ARHGAP18: variants seen among roughly 807,000 people sequenced by gnomAD.
The protein encoded by ARHGAP18 is rho GTPase-activating protein 18.
Under a neutral mutation model 86.2 loss-of-function variants are expected in ARHGAP18, and 67 were observed. The ratio of observed to expected loss-of-function variants is 0.78; its 90% CI spans 0.64 to 0.95. The LOEUF (loss-of-function observed/expected upper bound fraction) is 0.95, where lower values mean the gene tolerates loss of function less well. Among genes scored for constraint, ARHGAP18 ranks in the 40% least tolerant of loss-of-function variants. The pLI is 0.00. For synonymous variants in ARHGAP18, 283 were observed against 280.4 expected (o/e 1.01, Z -0.09); for missense variants, 691 against 780.4 (o/e 0.89, Z 1.37).
At chr6:129,682,310 T>G (rs1287554098) in intron 1 of ARHGAP18, among the ~76,000 whole-genome samples, 1 of 152,194 alleles carries the variant, frequency 6.6e-6, no homozygotes, top group Non-Finnish European at 1.5e-5. Flanking sequence ...CACGCCTTTC[T>G]CTTTGCCAAG....
chr6:129,676,961 T>G (rs1423417162), intron 1 of ARHGAP18, among the ~76,000 whole-genome samples: 2 of 119,126 alleles, frequency 1.7e-5, no homozygotes, highest in Non-Finnish European at 3.3e-5. Context: ...GGAAGGAAAA[T>G]AGAGGATTCC....
chr6:129,607,886 C>G lies in ARHGAP18; in HGVS notation c.1282+7G>C, dbSNP rs963296301. The G allele has an allele frequency of 4.4e-6, 7 of 1,590,460 alleles. No individual in the cohort carries two copies. The highest frequency in any genetic ancestry group is 1.9e-5 in the Admixed American group (1 of 53,390). On this transcript the variant is annotated splice_region_variant and intron_variant, in intron 9 of 14. Transcript: ENST00000368149. ...GAAGGACTGCTTCAAAGAGGGATAGCACTTACTCTGGACAGCCTGAAAGGC... is the reference window on the plus strand; with the variant it reads ...GAAGGACTGCTTCAAAGAGGGATAGGACTTACTCTGGACAGCCTGAAAGGC...
At chr6:129,659,050 CA>C (rs1293646248) in intron 1 of ARHGAP18, among the ~76,000 whole-genome samples, 1 of 152,104 alleles carries the variant, frequency 6.6e-6, no homozygotes, top group African/African-American at 2.4e-5. Flanking sequence ...CAATATACAC[CA>C]AATATCATCA....
intron 12 of ARHGAP18, among the ~76,000 whole-genome samples, chr6:129,589,866 G>C (rs1196509628): frequency 6.6e-6 from 1 of 152,140 alleles, no homozygotes; most frequent in Non-Finnish European, 1.5e-5. Context: ...CTCAAAAGTG[G>C]GGAAGCTGAC....
chr6:129,610,634 T>C (rs1436533468), intron 8 of ARHGAP18, among the ~76,000 whole-genome samples: 1 of 152,114 alleles, frequency 6.6e-6, no homozygotes, highest in Non-Finnish European at 1.5e-5. Context: ...CTTTTTCTTT[T>C]TTTTTTCTTT....
At chr6:129,584,773 T>C (rs1176928350) in intron 12 of ARHGAP18, among the ~76,000 whole-genome samples, 1 of 152,182 alleles carries the variant, frequency 6.6e-6, no homozygotes, top group Non-Finnish European at 1.5e-5. Context: ...TCTTAATTAA[T>C]TCCTAAAGGG....
chr6:129,710,106 C>G lies in ARHGAP18; in HGVS notation c.31G>C (p.Val11Leu), dbSNP rs1362685336. MSWLSSSQGV[V>L]LTAYHPSGKD... ...CCGCTGGGGTGGTAGGCTGTTAGTA[C>G]CACTCCCTGGGAACTGGAGAGCCAG... The change falls in exon 1 of 15, where the codon GTA (valine) becomes CTA (leucine). Residue 11 changes from valine (V) to leucine (L), a missense_variant. Val to Leu is a conservative substitution (Grantham distance 32). Coordinates refer to ENST00000368149, the MANE Select transcript of ARHGAP18 (RefSeq NM_033515.3). The G allele has an allele frequency of 3.1e-6, 5 of 1,613,926 alleles. No homozygotes were observed. In the Admixed American group the frequency reaches 6.7e-5, roughly 22 times the overall value.
At chr6:129,660,594 CACGG>C (rs1389813731) in intron 1 of ARHGAP18, among the ~76,000 whole-genome samples, 20 of 152,140 alleles carry the variant, frequency 1.3e-4, no homozygotes. Flanking sequence ...AAATGTGCTC[CACGG>C]ACCAGCGGCA....
intron 5 of ARHGAP18, among the ~76,000 whole-genome samples, chr6:129,626,765 T>C (rs1270997597): frequency 6.6e-6 from 1 of 152,034 alleles, no homozygotes; most frequent in Non-Finnish European, 1.5e-5. Context: ...TTGATGGTAG[T>C]ATTAGCATAT....
chr6:129,673,423 AT>A (rs1162471400), intron 1 of ARHGAP18, among the ~76,000 whole-genome samples: 3 of 151,996 alleles, frequency 2.0e-5, no homozygotes, highest in African/African-American at 7.2e-5. Flanking sequence ...GTTGTACAGC[AT>A]TTTGGTTTCA....
chr6:129,705,198 A>G (rs182733764), intron 1 of ARHGAP18, among the ~76,000 whole-genome samples: 1 of 152,314 alleles, frequency 6.6e-6, no homozygotes, highest in East Asian at 1.9e-4. Context: ...GAGCTCTTAT[A>G]TGTGGAATGA....
chr6:129,597,908 A>T (rs35873284), intron 12 of ARHGAP18, among the ~76,000 whole-genome samples: 14,096 of 152,168 alleles, frequency 0.093, 903 homozygotes, highest in Middle Eastern at 0.17. Context: ...TTTTTCCATA[A>T]ATGACAAAAT....
Position 129,701,919 on chromosome 6 carries a change from C to A in ARHGAP18, c.113+8105G>T, listed in dbSNP as rs200634483. Among the ~76,000 whole-genome samples, 6 of 152,118 alleles carry A rather than the reference C, an allele frequency of 3.9e-5. No individual in the cohort carries two copies. The East Asian group carries it at 1.2e-3, about 29-fold the overall frequency. On this transcript the variant is annotated intron_variant, in intron 1 of 14. Transcript: ENST00000368149. ...AAGCTGAAATGATGAGATTAGAAAG[C>A]CAGTGGGTAGAAAAGAATTGAGAGT...
intron 12 of ARHGAP18, among the ~76,000 whole-genome samples, chr6:129,585,020 C>CT (rs59934135): frequency 0.05 from 7,116 of 143,038 alleles, 329 homozygotes; most frequent in East Asian, 0.29. Flanking sequence ...ATATCATGTC[C>CT]TTTTTTTTTT....
At chr6:129,703,003 CA>C (rs5879963) in intron 1 of ARHGAP18, among the ~76,000 whole-genome samples, 128,925 of 149,286 alleles carry the variant, frequency 0.86, 55,699 homozygotes, top group Non-Finnish European at 0.9. Context: ...ATCTCCAAAA[CA>C]AAAAAAAAAA....
intron 1 of ARHGAP18, among the ~76,000 whole-genome samples, chr6:129,647,741 G>C (rs1260781796): frequency 6.6e-6 from 1 of 151,674 alleles, no homozygotes; most frequent in Non-Finnish European, 1.5e-5. Context: ...TAATGACTAA[G>C]AATATTTTAG....
chr6:129,691,026 A>G (rs192011745), intron 1 of ARHGAP18, among the ~76,000 whole-genome samples: 182 of 152,350 alleles, frequency 1.2e-3, no homozygotes, highest in Non-Finnish European at 2.1e-3. Flanking sequence ...ATTGGGCTCA[A>G]TATAAGCTGA....
rs1372613786 is a variant in ARHGAP18 at position 129,618,616 on chromosome 6, T to C, written c.952+71A>G. Reference sequence around the variant, plus strand: ...AGGTGTTTTCCCTGTCTCCCAGAAATACTGCAAAAAAGCCAAGTCCATCCT... The same window carrying C: ...AGGTGTTTTCCCTGTCTCCCAGAAACACTGCAAAAAAGCCAAGTCCATCCT... On this transcript the variant is annotated intron_variant, in intron 6 of 14. Coordinates refer to ENST00000368149, the MANE Select transcript of ARHGAP18 (RefSeq NM_033515.3). 5 of 1,415,564 alleles carry C rather than the reference T, an allele frequency of 3.5e-6. No homozygotes were observed. The Admixed American group carries it at 1.2e-4, about 35-fold the overall frequency. The allele number at this position is 1,415,564 out of a possible 1,614,324, so 87.7% of individuals were successfully genotyped here.
chr6:129,581,289 C>A (rs1419416450), intron 13 of ARHGAP18, among the ~76,000 whole-genome samples: 1 of 152,218 alleles, frequency 6.6e-6, no homozygotes, highest in Non-Finnish European at 1.5e-5. Context: ...GTGTCCCTGG[C>A]ACACTGGACA....
Sources: allele counts gnomAD v4.1 joint callset (sites outside exome capture counted in the v4.1 genomes callset), GRCh38; gene constraint gnomAD v4.1.1; transcripts MANE v1.5; gene names NCBI Gene and HGNC (gene_info 2026-07-23, HGNC 2026-07-21).